Variants in SPEG observed in about 807,000 individuals in gnomAD.
The protein encoded by SPEG is striated muscle preferentially expressed protein kinase.
A neutral mutation model predicts 300.4 loss-of-function variants in SPEG; 114 were observed. The ratio of observed to expected loss-of-function variants is 0.38; its 90% confidence interval spans 0.33 to 0.44. The LOEUF (loss-of-function observed/expected upper bound fraction) is 0.44. SPEG is among the 20% of genes least tolerant of loss of function. SPEG has a pLI of 1.00. For synonymous variants in SPEG, 1,964 were observed against 2,018.9 expected (o/e 0.97, Z 0.73); for missense variants, 4,201 against 4,586.2 (o/e 0.92, Z 2.43).
rs200305444 is a variant in SPEG at position 219,489,616 on chromosome 2, C to T, written c.8598C>T (p.His2866=). 58 of 1,613,840 alleles carry T rather than the reference C, an allele frequency of 3.6e-5. No individual in the cohort carries two copies. The African/African-American group carries it at 5.5e-4, about 15-fold the overall frequency. Residue 2866 remains histidine, a synonymous_variant, in exon 36 of 41, where the codon CAC becomes CAT. Transcript: ENST00000312358. ...CGGAGCCCACCCTACCCAGTACCCACGTCACCCCAAGTGAGCCCAAGCCTT... is the reference window on the plus strand; with the variant it reads ...CGGAGCCCACCCTACCCAGTACCCATGTCACCCCAAGTGAGCCCAAGCCTT... ...RPAEPTLPST[H]VTPSEPKPFV...
intron 4 of SPEG, 147 bp from the exon 5 acceptor site, chr2:219,450,989 A>C: frequency 1.3e-6 from 1 of 763,954 alleles, no homozygotes; most frequent in Non-Finnish European, 2.0e-6. Context: ...TTCAGGAGGC[A>C]GACCCTCTTC....
At chr2:219,485,577 C>T (rs1559425958) in intron 31 of SPEG, 100 bp downstream of exon 31, 2 of 1,263,502 alleles carry the variant, frequency 1.6e-6, no homozygotes, top group East Asian at 5.3e-5. Context: ...GCCACCTTGA[C>T]AAACCTAGTG....
chr2:219,462,251 A>G, intron 7 of SPEG, 47 bp from the exon 8 acceptor site: 1 of 1,495,158 alleles, frequency 6.7e-7, no homozygotes, highest in Non-Finnish European at 9.1e-7. Flanking sequence ...CCCAGGACCC[A>G]AGGCTCTGCC....
chr2:219,480,240 C>G lies in SPEG; in HGVS notation c.5342+100C>G. The G allele has an allele frequency of 7.5e-7, 1 of 1,326,218 alleles. No individual in the cohort carries two copies. Among genetic ancestry groups the G allele is most frequent in the Non-Finnish European group, 1.1e-6 (1 of 951,004 alleles). The allele number at this position is 1,326,218 out of a possible 1,614,324, so 82.2% of individuals were successfully genotyped here. On this transcript the variant is annotated intron_variant, in intron 25 of 40. Transcript: ENST00000312358. The surrounding 1 kb of genome is among the most constrained non-coding windows in gnomAD (Gnocchi z 5.3). The stretch of plus-strand genomic sequence containing the variant: ...AGGGAGATTTACCGAGCCTGAATTC[C>G]TCCTGAAGGTGGGCTGGAGGCATTG...
intron 13 of SPEG, among the ~76,000 whole-genome samples, chr2:219,469,815 C>T (rs183832661): frequency 3.9e-5 from 6 of 152,268 alleles, no homozygotes; most frequent in Non-Finnish European, 5.9e-5. Flanking sequence ...TTATCATCAG[C>T]GGTGGTACTT....
In SPEG at chr2:219,484,221, A is replaced by G. The variant is rs548004795; in HGVS notation, c.6758A>G (p.Gln2253Arg). The change falls in exon 30 of 41, where the codon CAG becomes CGG. Residue 2253 changes from glutamine (Q) to arginine (R), a missense_variant. By Grantham distance (43) the Gln-to-Arg change is conservative (BLOSUM62 1). This residue lies in a region of SPEG where 1,578 missense variants were observed against 1,506.0 expected (regional missense o/e 1.05). Coordinates refer to ENST00000312358, the MANE Select transcript of SPEG (RefSeq NM_005876.5). ...TPYAQIIQSL[Q>R]LSGHAQGPSQ... ...TATGCTCAGATCATTCAGTCCCTCC[A>G]GCTGTCAGGCCACGCCCAGGGCCCC... 1.2e-6 allele frequency: 2 copies of G among 1,611,894 alleles called. No individual in the cohort carries two copies. The highest frequency in any genetic ancestry group is 1.1e-5 in the South Asian group (1 of 91,046).
chr2:219,479,305 G>A lies in SPEG; in HGVS notation c.5085+104G>A. The A allele has an allele frequency of 1.1e-6, 1 of 950,340 alleles. No individual in the cohort carries two copies. Among genetic ancestry groups the A allele is most frequent in the South Asian group, 1.4e-5 (1 of 72,966 alleles). 58.9% of individuals were successfully genotyped at this position (950,340 alleles called of 1,614,324 possible). On this transcript the variant is annotated intron_variant, in intron 23 of 40. Coordinates refer to ENST00000312358, the MANE Select transcript of SPEG (RefSeq NM_005876.5). The surrounding 1 kb of genome is among the most constrained non-coding windows in gnomAD (Gnocchi z 5.5). ...CTGAGTGTGCCATCTGTGCCCACAG[G>A]AAGCCAGGGGTGGAGGTGGAGAGCA...
At position 219,490,657 on chromosome 2, in the gene SPEG, G is replaced by A. The variant is rs1413171114; in HGVS notation, c.9161+9G>A. On this transcript the variant is annotated intron_variant, in intron 37 of 40. Coordinates refer to ENST00000312358, the MANE Select transcript of SPEG (RefSeq NM_005876.5). ...TGTGGGCTCAGTGACAGGTAGCTGG[G>A]AATTCTAGGGGAGTAGGGAGGAAGA... The A allele has an allele frequency of 6.2e-7, 1 of 1,608,710 alleles. No individual in the cohort carries two copies.
In SPEG at chr2:219,473,168, G is replaced by C. The variant is rs1692042629; in HGVS notation, c.4147+72G>C. The C allele has an allele frequency of 8.4e-6, 12 of 1,436,332 alleles. No individual in the cohort carries two copies. The highest frequency in any genetic ancestry group is 1.1e-5 in the Non-Finnish European group (12 of 1,048,882). 89.0% of individuals were successfully genotyped at this position (1,436,332 alleles called of 1,614,324 possible). On this transcript the variant is annotated intron_variant, in intron 16 of 40. Coordinates refer to ENST00000312358, the MANE Select transcript of SPEG (RefSeq NM_005876.5). The surrounding 1 kb of genome is among the most constrained non-coding windows in gnomAD (Gnocchi z 4.6). ...GGGGAATGGGGGCCCTGTGGTGGAGGCTCAAGGGATGGCCTGGACATGGTA... is the reference window on the plus strand; with the variant it reads ...GGGGAATGGGGGCCCTGTGGTGGAGCCTCAAGGGATGGCCTGGACATGGTA...
At chr2:219,442,811 G>A (rs1689025230) in intron 1 of SPEG, among the ~76,000 whole-genome samples, 1 of 150,506 alleles carries the variant, frequency 6.6e-6, no homozygotes, top group Non-Finnish European at 1.5e-5. Context: ...CTGTTGCCCT[G>A]GTCCCGGGCT....
chr2:219,459,342 A>G lies in SPEG; in HGVS notation c.2441-2540A>G, dbSNP rs1690452448. On this transcript the variant is annotated intron_variant, in intron 6 of 40. Coordinates refer to ENST00000312358, the MANE Select transcript of SPEG (RefSeq NM_005876.5). This position sits in a 1 kb window ranked among gnomAD's most constrained non-coding sequence, Gnocchi z 4.9. ...GGGATGTCAGGGACTGGTTCCAAAGATGGTTTTTGCTATGTGGCCAGGGAA... is the reference window on the plus strand; with the variant it reads ...GGGATGTCAGGGACTGGTTCCAAAGGTGGTTTTTGCTATGTGGCCAGGGAA... Among the ~76,000 whole-genome samples, 1 of 152,130 alleles carries G rather than the reference A, an allele frequency of 6.6e-6. No homozygotes were observed. Among genetic ancestry groups the G allele is most frequent in the Admixed American group, 6.5e-5 (1 of 15,286 alleles).
intron 28 of SPEG, 36 bp from the exon 29 acceptor site, chr2:219,482,748 C>T: frequency 6.2e-7 from 1 of 1,604,850 alleles, no homozygotes; most frequent in Non-Finnish European, 8.5e-7. Flanking sequence ...TCTAGGTTGA[C>T]AGCTTTCCCT....
At chr2:219,438,476 C>T (rs1243763554) in intron 1 of SPEG, among the ~76,000 whole-genome samples, 1 of 152,188 alleles carries the variant, frequency 6.6e-6, no homozygotes, top group Non-Finnish European at 1.5e-5. Flanking sequence ...CTTTCTCCGT[C>T]AATATCTCCA....
chr2:219,491,247 A>T (rs1266809111), intron 38 of SPEG, among the ~76,000 whole-genome samples: 1 of 152,248 alleles, frequency 6.6e-6, no homozygotes, highest in African/African-American at 2.4e-5. Flanking sequence ...CAGGAGAATC[A>T]ATTATTATTT....
rs777281168 is a variant in SPEG at position 219,490,451 on chromosome 2, G to A, written c.8964G>A (p.Thr2988=). 2.2e-5 allele frequency: 36 copies of A among 1,612,864 alleles called. No homozygotes were observed. The highest frequency in any genetic ancestry group is 4.0e-5 in the African/African-American group (3 of 74,920). Residue 2988 remains threonine (T), a synonymous_variant, in exon 37 of 41, where the codon ACG becomes ACA. Transcript: ENST00000312358. ...GVVRACRENA[T]GRTFVAKIVP... ...TGCGAGCGTGCCGGGAGAATGCCACGGGGCGAACGTTCGTGGCCAAGATCG... is the reference window on the plus strand; with the variant it reads ...TGCGAGCGTGCCGGGAGAATGCCACAGGGCGAACGTTCGTGGCCAAGATCG...
At chr2:219,438,003 C>A (rs757014500) in intron 1 of SPEG, among the ~76,000 whole-genome samples, 25 of 152,108 alleles carry the variant, frequency 1.6e-4, no homozygotes, top group Admixed American at 6.6e-4. Context: ...ATGCTAGGTT[C>A]CTGGCACTCC....
Position 219,445,303 on chromosome 2 carries a change from A to G in SPEG, c.815+142A>G, listed in dbSNP as rs976872616. 4.3e-5 allele frequency: 35 copies of G among 817,574 alleles called. No individual in the cohort carries two copies. The highest frequency in any genetic ancestry group is 2.0e-4 in the South Asian group (12 of 60,616). The allele number at this position is 817,574 out of a possible 1,614,324, so 50.6% of individuals were successfully genotyped here. On this transcript the variant is annotated intron_variant, in intron 3 of 40. Transcript: ENST00000312358. This position sits in a 1 kb window ranked among gnomAD's most constrained non-coding sequence, Gnocchi z 6.1. ...TTTCTTCACCCCCTGCTGCCACTCC[A>G]TCTTCCCACACTGCTCCCTCCTCCT...
Position 219,449,014 on chromosome 2 carries a change from C to G in SPEG, c.1856C>G (p.Pro619Arg). 2 of 1,508,956 alleles carry G rather than the reference C, an allele frequency of 1.3e-6. No homozygotes were observed. The highest frequency in any genetic ancestry group is 1.7e-4 in the Middle Eastern group (1 of 5,800). 93.5% of individuals were successfully genotyped at this position (1,508,956 alleles called of 1,614,324 possible). ...GTGCCGCCCCCCGCCGCCGATCCCC[C>G]AGAGGCCAGGACGAAAGCACCCCCC... is the stretch of plus-strand genomic sequence containing the variant. The part of the protein sequence containing the change: ...SPVPPPAADP[P>R]EARTKAPPGR... Residue 619 changes from proline (P) to arginine (R), a missense_variant, in exon 4 of 41, where the codon CCA (proline) becomes CGA (arginine). Physicochemically the swap from Pro to Arg is moderately radical, Grantham distance 103. Transcript: ENST00000312358.
intron 3 of SPEG, 44 bp from the exon 4 acceptor site, chr2:219,447,930 G>T: frequency 6.4e-7 from 1 of 1,573,090 alleles, no homozygotes; most frequent in Non-Finnish European, 8.7e-7. Flanking sequence ...TCTAGGAGAG[G>T]AGGCCCCCTG....
Sources: allele counts gnomAD v4.1 joint callset (sites outside exome capture counted in the v4.1 genomes callset), GRCh38; gene constraint gnomAD v4.1.1; regional missense constraint gnomAD v4.1.1; non-coding constraint Gnocchi (gnomAD v3.1); transcripts MANE v1.5; gene names NCBI Gene and HGNC (gene_info 2026-07-23, HGNC 2026-07-21).